Variants in BACE2 observed in about 807,000 individuals in gnomAD.
The protein encoded by BACE2 is 56 kDa aspartic-like protease.
Under a neutral mutation model 46.2 loss-of-function variants are expected in BACE2, and 17 were observed. The observed-to-expected ratio is 0.37, with a 90% CI of 0.25 to 0.55. The LOEUF (loss-of-function observed/expected upper bound fraction) is 0.55. BACE2 is among the 20% of genes least tolerant of loss of function. BACE2 has a pLI of 0.82. For synonymous variants in BACE2, 277 were observed against 295.9 expected, an observed-to-expected ratio of 0.94 and a Z score of 0.66; for missense variants, 595 against 698.1, an observed-to-expected ratio of 0.85 and a Z score of 1.66.
intron 1 of BACE2, among the ~76,000 whole-genome samples, chr21:41,197,699 C>T (rs985194231): frequency 1.3e-5 from 2 of 152,010 alleles, no homozygotes; most frequent in African/African-American, 4.8e-5. Flanking sequence ...GGTTAGTTTG[C>T]TAGTTACTGA....
Position 41,275,810 on chromosome 21 carries a change from C to T in BACE2, c.*186C>T, listed in dbSNP as rs1236009149. ...CTTGATTTTCAAGCTTTCAAATCCT[C>T]CCTACTTCCAAGAAAAATAATTAAA... On this transcript the variant is annotated 3_prime_UTR_variant, in exon 9 of 9. Transcript: ENST00000330333. 1.4e-6 allele frequency: 1 copy of T among 722,252 alleles called. No individual in the cohort carries two copies. The highest frequency in any genetic ancestry group is 2.7e-5 in the East Asian group (1 of 36,480). 44.7% of individuals were successfully genotyped at this position (722,252 alleles called of 1,614,324 possible).
At chr21:41,227,123 T>C (rs1203378455) in intron 2 of BACE2, among the ~76,000 whole-genome samples, 2 of 152,234 alleles carry the variant, frequency 1.3e-5, no homozygotes, top group Non-Finnish European at 2.9e-5. Context: ...TGGAAGCTGC[T>C]CTAATGCTGT....
At chr21:41,179,751 G>A in intron 1 of BACE2, 3 of 935,152 alleles carry the variant, frequency 3.2e-6, no homozygotes, top group Non-Finnish European at 4.5e-6. Flanking sequence ...GAGGGTGCCT[G>A]GTGTGGGGTG....
intron 1 of BACE2, chr21:41,175,224 C>T (rs1316744761): frequency 6.6e-6 from 1 of 152,176 alleles, no homozygotes; most frequent in East Asian, 1.9e-4. Context: ...CCAGCCCAGG[C>T]CCCGGGTGGG....
At chr21:41,237,764 A>G (rs1488133014) in intron 3 of BACE2, 35 bp downstream of exon 3, 2 of 1,557,984 alleles carry the variant, frequency 1.3e-6, no homozygotes, top group East Asian at 4.5e-5. Context: ...GAAATCAAAT[A>G]ACAGGATGAG....
chr21:41,169,226 C>T (rs1186616665), intron 1 of BACE2, among the ~76,000 whole-genome samples: 2 of 151,008 alleles, frequency 1.3e-5, no homozygotes, highest in Admixed American at 1.3e-4. Flanking sequence ...GCGGCCCTGC[C>T]CCTCTGCACG....
At chr21:41,267,681 G>A (rs1157487078) in intron 8 of BACE2, among the ~76,000 whole-genome samples, 1 of 152,100 alleles carries the variant, frequency 6.6e-6, no homozygotes, top group East Asian at 1.9e-4. Context: ...ACAATCAAAA[G>A]ATACCAAAGC....
intron 1 of BACE2, among the ~76,000 whole-genome samples, chr21:41,221,869 G>T (rs1439998069): frequency 1.3e-5 from 2 of 150,620 alleles, no homozygotes; most frequent in African/African-American, 4.9e-5. Flanking sequence ...TGTCTACTGT[G>T]TGCCTGGCCC....
At chr21:41,217,648 C>T (rs541659042) in intron 1 of BACE2, among the ~76,000 whole-genome samples, 43 of 152,312 alleles carry the variant, frequency 2.8e-4, no homozygotes, top group Admixed American at 1.2e-3. Context: ...CTTTGGAGCC[C>T]CCTCCCAGTG....
chr21:41,180,165 G>A (rs1406238474), intron 1 of BACE2: 1 of 226,522 alleles, frequency 4.4e-6, no homozygotes, highest in Non-Finnish European at 9.5e-6. Context: ...TCCAGGGTGA[G>A]GGTGGTAACT....
At chr21:41,227,644 G>A (rs1440747137) in intron 2 of BACE2, among the ~76,000 whole-genome samples, 1 of 152,152 alleles carries the variant, frequency 6.6e-6, no homozygotes, top group Non-Finnish European at 1.5e-5. Context: ...GCTCTATGAG[G>A]CTTCAGAAAA....
intron 1 of BACE2, among the ~76,000 whole-genome samples, chr21:41,196,324 A>T (rs1985731099): frequency 6.6e-6 from 1 of 151,908 alleles, no homozygotes; most frequent in South Asian, 2.1e-4. Flanking sequence ...CCAAAAAAAA[A>T]AAAAGAGAGA....
chr21:41,204,417 G>A (rs1986061510), intron 1 of BACE2, among the ~76,000 whole-genome samples: 1 of 152,096 alleles, frequency 6.6e-6, no homozygotes, highest in South Asian at 2.1e-4. Context: ...CCTGGGAGAG[G>A]GGGAAAAACT....
chr21:41,272,085 A>T (rs538723798), intron 8 of BACE2, among the ~76,000 whole-genome samples: 1 of 152,142 alleles, frequency 6.6e-6, no homozygotes, highest in East Asian at 1.9e-4. Flanking sequence ...TGCTGGGTAT[A>T]GAGTTCTCGG....
chr21:41,275,785 C>G lies in BACE2; in HGVS notation c.*161C>G. ...CTTCTAGATTCACTGTCTTTTGATT[C>G]TTGATTTTCAAGCTTTCAAATCCTC... On this transcript the variant is annotated 3_prime_UTR_variant, in exon 9 of 9. Transcript: ENST00000330333. The G allele has an allele frequency of 1.2e-6, 1 of 844,962 alleles. No individual in the cohort carries two copies. Among genetic ancestry groups the G allele is most frequent in the Non-Finnish European group, 1.8e-6 (1 of 565,598 alleles). The allele number at this position is 844,962 out of a possible 1,614,324, so 52.3% of individuals were successfully genotyped here.
rs761444653 is a variant in BACE2 at position 41,193,233 on chromosome 21, C to T, written c.312+24658C>T. Reference sequence around the variant, plus strand: ...AAAGGTGTATTGCCGGCCTTGCCAGCGGAAGGCAAATTGCTTCTGGTGGGC... The same window carrying T: ...AAAGGTGTATTGCCGGCCTTGCCAGTGGAAGGCAAATTGCTTCTGGTGGGC... On this transcript the variant is annotated intron_variant, in intron 1 of 8. Transcript: ENST00000330333. This position sits in a 1 kb window ranked among gnomAD's most constrained non-coding sequence, Gnocchi z 4.2. Among the ~76,000 whole-genome samples the T allele has an allele frequency of 6.6e-5, 10 of 152,168 alleles. No homozygotes were observed. The highest frequency in any genetic ancestry group is 2.1e-4 in the South Asian group (1 of 4,820).
intron 7 of BACE2, among the ~76,000 whole-genome samples, chr21:41,251,722 A>G (rs1191784049): frequency 1.3e-5 from 2 of 151,864 alleles, no homozygotes; most frequent in Non-Finnish European, 2.9e-5. Flanking sequence ...AATTGCTTGA[A>G]CCTGGGAGGC....
intron 8 of BACE2, among the ~76,000 whole-genome samples, chr21:41,270,112 C>CT (rs1190749965): frequency 2.6e-5 from 4 of 152,136 alleles, no homozygotes; most frequent in Non-Finnish European, 1.5e-5. Context: ...TTTTCATGTA[C>CT]TTTTTTGCCA....
Position 41,275,822 on chromosome 21 carries a change from G to A in BACE2, c.*198G>A. 4 of 671,152 alleles carry A rather than the reference G, an allele frequency of 6.0e-6. No homozygotes were observed. Among genetic ancestry groups the A allele is most frequent in the Admixed American group, 3.1e-5 (1 of 32,670 alleles). 41.6% of individuals were successfully genotyped at this position (671,152 alleles called of 1,614,324 possible). A position where few individuals can be genotyped will look rare whatever the true frequency, so the allele number is the denominator to read the frequency against. On this transcript the variant is annotated 3_prime_UTR_variant, in exon 9 of 9. Coordinates refer to ENST00000330333, the MANE Select transcript of BACE2 (RefSeq NM_012105.5). ...GCTTTCAAATCCTCCCTACTTCCAA[G>A]AAAAATAATTAAAAAAAAAACTTCA...
Sources: allele counts gnomAD v4.1 joint callset (sites outside exome capture counted in the v4.1 genomes callset), GRCh38; gene constraint gnomAD v4.1.1; non-coding constraint Gnocchi (gnomAD v3.1); transcripts MANE v1.5; gene names NCBI Gene and HGNC (gene_info 2026-07-23, HGNC 2026-07-21).